SIM1: variants seen among roughly 807,000 people sequenced by gnomAD.
SIM1 encodes SIM bHLH transcription factor 1, also known as single-minded homolog 1.
A neutral mutation model predicts 78.2 loss-of-function variants in SIM1; 18 were observed. The observed-to-expected ratio is 0.23, with a 90% CI of 0.16 to 0.34. The LOEUF (loss-of-function observed/expected upper bound fraction) is 0.34, where lower values mean the gene tolerates loss of function less well. Among genes scored for constraint, SIM1 ranks in the 10% least tolerant of loss-of-function variants. SIM1 has a pLI of 1.00. For synonymous variants in SIM1, 417 were observed against 385.2 expected (o/e 1.08, Z -0.97); for missense variants, 939 against 975.1 (o/e 0.96, Z 0.49).
intron 2 of SIM1, among the ~76,000 whole-genome samples, chr6:100,456,007 C>A (rs1456508592): frequency 6.6e-6 from 1 of 152,120 alleles, no homozygotes; most frequent in African/African-American, 2.4e-5. Context: ...ACAACCTGTC[C>A]GGCACAGGTT....
At chr6:100,405,171 T>C (rs2114480191) in intron 10 of SIM1, among the ~76,000 whole-genome samples, 1 of 152,110 alleles carries the variant, frequency 6.6e-6, no homozygotes, top group East Asian at 1.9e-4. Context: ...AGAACCCTCC[T>C]GAGATATGTT....
chr6:100,400,351 T>C (rs1379670302), intron 10 of SIM1, among the ~76,000 whole-genome samples: 1 of 151,918 alleles, frequency 6.6e-6, no homozygotes, highest in Non-Finnish European at 1.5e-5. Flanking sequence ...AAGCAAATAT[T>C]AGGTCACAAA....
intron 9 of SIM1, among the ~76,000 whole-genome samples, chr6:100,435,599 T>C (rs1456947974): frequency 3.3e-5 from 5 of 151,892 alleles, no homozygotes; most frequent in Admixed American, 6.6e-5. Context: ...CACCTCCCAG[T>C]CTCTCCCAGA....
chr6:100,448,443 G>C, intron 7 of SIM1, 36 bp downstream of exon 7: 1 of 1,603,364 alleles, frequency 6.2e-7, no homozygotes, highest in Non-Finnish European at 8.5e-7. Context: ...GCCGCCCTCA[G>C]GCTAGGAGAG....
At position 100,447,426 on chromosome 6, in the gene SIM1, G is replaced by GAT; in HGVS notation, c.851-12_851-11insAT. Reference sequence around the variant, plus strand: ...GTCCCTTCACCAGCACTGACGGAGAGACAGGAGGCAGATGGTGGTGAACCA... The same window carrying GAT: ...GTCCCTTCACCAGCACTGACGGAGAGATACAGGAGGCAGATGGTGGTGAACCA... On this transcript the variant is annotated splice_polypyrimidine_tract_variant and intron_variant, in intron 8 of 11. Coordinates refer to ENST00000369208, the MANE Select transcript of SIM1 (RefSeq NM_005068.3). 6.2e-7 allele frequency: 1 copy of GAT among 1,614,176 alleles called. No homozygotes were observed. The highest frequency in any genetic ancestry group is 8.5e-7 in the Non-Finnish European group (1 of 1,180,016).
intron 9 of SIM1, among the ~76,000 whole-genome samples, chr6:100,436,974 G>A (rs1033331607): frequency 3.9e-5 from 6 of 151,994 alleles, no homozygotes; most frequent in Non-Finnish European, 5.9e-5. Flanking sequence ...CTGACTTCGT[G>A]ATCCACCTAC....
At chr6:100,414,051 G>T (rs1582622589) in intron 10 of SIM1, among the ~76,000 whole-genome samples, 1 of 152,192 alleles carries the variant, frequency 6.6e-6, no homozygotes. Context: ...AGAAAAACAG[G>T]ATAGTGACAA....
chr6:100,416,801 A>G (rs149797343), intron 10 of SIM1, among the ~76,000 whole-genome samples: 1 of 152,306 alleles, frequency 6.6e-6, no homozygotes, highest in African/African-American at 2.4e-5. Context: ...GATACAAGCA[A>G]CAAAGGATAA....
chr6:100,404,341 C>T (rs1016566435), intron 10 of SIM1, among the ~76,000 whole-genome samples: 4 of 152,134 alleles, frequency 2.6e-5, no homozygotes, highest in African/African-American at 9.7e-5. Context: ...TCTGGCAGCT[C>T]ATTGAGGTTT....
chr6:100,385,690 TGTGTGTGTGTG>T lies in SIM1; in HGVS notation c.*4660_*4670del. ...ATTTATGTGTGTGTGTGTGTGTGTG[TGTGTGTGTGTG>T]TGTGTGTGTTATAATTGGATATGGC... On this transcript the variant is annotated 3_prime_UTR_variant, in exon 12 of 12. Transcript: ENST00000369208. 6.6e-6 allele frequency: 1 copy of T among 151,670 alleles called. No individual in the cohort carries two copies. The highest frequency in any genetic ancestry group is 1.5e-5 in the Non-Finnish European group (1 of 67,852). 9.4% of individuals were successfully genotyped at this position (151,670 alleles called of 1,614,324 possible).
chr6:100,454,514 AC>A (rs1202944046), intron 2 of SIM1, among the ~76,000 whole-genome samples: 1 of 143,944 alleles, frequency 6.9e-6, no homozygotes, highest in Non-Finnish European at 1.5e-5. Context: ...CCCCCTACCC[AC>A]CCCCCTACCA....
At chr6:100,460,831 T>C (rs1385960044) in intron 2 of SIM1, among the ~76,000 whole-genome samples, 3 of 152,190 alleles carry the variant, frequency 2.0e-5, no homozygotes, top group Non-Finnish European at 4.4e-5. Context: ...TCTTTAATAT[T>C]TTAAAGAGCT....
chr6:100,409,740 T>C (rs1205307494), intron 10 of SIM1, among the ~76,000 whole-genome samples: 3 of 152,178 alleles, frequency 2.0e-5, no homozygotes. Flanking sequence ...CCCATTTTCA[T>C]TCATCTCAAG....
At chr6:100,436,704 G>A (rs554355270) in intron 9 of SIM1, among the ~76,000 whole-genome samples, 26 of 150,650 alleles carry the variant, frequency 1.7e-4, no homozygotes, top group African/African-American at 5.1e-4. Flanking sequence ...TGTTGTTGTC[G>A]TTGTTTTTTG....
At chr6:100,429,968 C>T (rs1381198649) in intron 9 of SIM1, among the ~76,000 whole-genome samples, 1 of 152,012 alleles carries the variant, frequency 6.6e-6, no homozygotes, top group African/African-American at 2.4e-5. Context: ...ATCTGTTTAC[C>T]ACCGTTCCTA....
intron 10 of SIM1, among the ~76,000 whole-genome samples, chr6:100,417,764 G>A (rs993696003): frequency 1.3e-5 from 2 of 152,172 alleles, no homozygotes; most frequent in African/African-American, 4.8e-5. Flanking sequence ...ACCCAGGATA[G>A]CATGTTCCAT....
chr6:100,393,972 A>C, intron 10 of SIM1, 83 bp from the exon 11 acceptor site: 1 of 1,400,130 alleles, frequency 7.1e-7, no homozygotes, highest in Non-Finnish European at 9.6e-7. Context: ...AACAGCCTTT[A>C]TTTACTCTAC....
chr6:100,461,773 TGAAC>T (rs570461088), intron 2 of SIM1, among the ~76,000 whole-genome samples: 8 of 152,160 alleles, frequency 5.3e-5, no homozygotes, highest in Non-Finnish European at 1.2e-4. Context: ...TAGCACAGTT[TGAAC>T]GGGAAATGTG....
chr6:100,454,140 A>G (rs1772586054), intron 2 of SIM1, among the ~76,000 whole-genome samples: 1 of 152,058 alleles, frequency 6.6e-6, no homozygotes, highest in Admixed American at 6.5e-5. Context: ...ATTGCACCCC[A>G]CCGATAACTT....
Sources: allele counts gnomAD v4.1 joint callset (sites outside exome capture counted in the v4.1 genomes callset), GRCh38; gene constraint gnomAD v4.1.1; transcripts MANE v1.5; gene names NCBI Gene and HGNC (gene_info 2026-07-23, HGNC 2026-07-21).